Variants in DENND1A observed in about 807,000 individuals in gnomAD.
DENND1A encodes DENN domain-containing protein 1A.
In DENND1A, 51 loss-of-function variants were observed where a neutral mutation model predicts 113.7. The observed-to-expected ratio is 0.45, with a 90% confidence interval of 0.36 to 0.57. DENND1A has a LOEUF of 0.57. Ranked by LOEUF, DENND1A falls within the 20% of genes least tolerant of loss-of-function variation. The probability of loss-of-function intolerance (pLI) is 0.00; values close to 1 mark genes in which losing one functional copy is unlikely to be tolerated. For synonymous variants in DENND1A, 565 were observed against 570.8 expected (o/e 0.99, Z 0.14); for missense variants, 1,258 against 1,395.9 (o/e 0.90, Z 1.57).
At chr9:123,816,126 G>A (rs1052195544) in intron 2 of DENND1A, among the ~76,000 whole-genome samples, 2 of 150,818 alleles carry the variant, frequency 1.3e-5, no homozygotes, top group Admixed American at 6.7e-5. Flanking sequence ...TTAGCCTCCT[G>A]AGTAGCTGGG....
chr9:123,538,247 G>A (rs1282655674), intron 13 of DENND1A, among the ~76,000 whole-genome samples: 1 of 152,150 alleles, frequency 6.6e-6, no homozygotes, highest in Non-Finnish European at 1.5e-5. Flanking sequence ...AAATGTAATA[G>A]AGAAGAGGTT....
chr9:123,613,766 A>G (rs1197311879), intron 10 of DENND1A, among the ~76,000 whole-genome samples: 1 of 152,264 alleles, frequency 6.6e-6, no homozygotes, highest in Admixed American at 6.5e-5. Flanking sequence ...CATGACAACC[A>G]TGTCACAACT....
chr9:123,717,059 TAC>T (rs2141051762), intron 5 of DENND1A, among the ~76,000 whole-genome samples: 1 of 152,320 alleles, frequency 6.6e-6, no homozygotes, highest in South Asian at 2.1e-4. Flanking sequence ...AAATAGTAAA[TAC>T]ATAGTCACAC....
chr9:123,450,331 C>T (rs1299572096), intron 18 of DENND1A, among the ~76,000 whole-genome samples: 2 of 152,222 alleles, frequency 1.3e-5, no homozygotes, highest in Non-Finnish European at 2.9e-5. Context: ...TTGGTTACAA[C>T]CGGCCCTGGG....
intron 13 of DENND1A, among the ~76,000 whole-genome samples, chr9:123,523,749 C>G (rs1005898103): frequency 6.6e-6 from 1 of 152,174 alleles, no homozygotes; most frequent in Non-Finnish European, 1.5e-5. Flanking sequence ...AATATGATTC[C>G]AAGGTCAGGC....
chr9:123,427,554 C>T (rs2045835803), intron 19 of DENND1A, among the ~76,000 whole-genome samples: 1 of 152,194 alleles, frequency 6.6e-6, no homozygotes, highest in Non-Finnish European at 1.5e-5. Context: ...TAATGTCTGA[C>T]CTTGACTCTC....
rs537565145 is a variant in DENND1A at position 123,698,077 on chromosome 9, T to C, written c.303-21288A>G. On this transcript the variant is annotated intron_variant, in intron 5 of 23. Coordinates refer to ENST00000394215, the MANE Select transcript of DENND1A (RefSeq NM_001352964.2). The stretch of plus-strand genomic sequence containing the variant: ...TCTATCCTTATCATATCATACAGAA[T>C]AAGCAGAAATAAGTTGCTCATTAGA... Among the ~76,000 whole-genome samples the C allele has an allele frequency of 2.0e-5, 3 of 152,254 alleles. No individual in the cohort carries two copies. The East Asian group carries it at 5.8e-4, about 29-fold the overall frequency.
chr9:123,806,532 C>A (rs1835605405), intron 2 of DENND1A, among the ~76,000 whole-genome samples: 1 of 152,208 alleles, frequency 6.6e-6, no homozygotes, highest in Non-Finnish European at 1.5e-5. Flanking sequence ...GCTGGGATTA[C>A]AGGTGTGAGC....
intron 19 of DENND1A, 96 bp downstream of exon 19, chr9:123,440,264 C>T (rs920398896): frequency 2.2e-6 from 3 of 1,383,864 alleles, no homozygotes; most frequent in Middle Eastern, 1.9e-4. Context: ...CCAAAGAGAA[C>T]TGAAATGAAA....
At chr9:123,562,638 A>G (rs571442634) in intron 12 of DENND1A, among the ~76,000 whole-genome samples, 32 of 152,340 alleles carry the variant, frequency 2.1e-4, no homozygotes, top group African/African-American at 7.5e-4. Flanking sequence ...TTTCTATTTT[A>G]CACACTTGAT....
At chr9:123,868,240 A>G (rs1242212758) in intron 2 of DENND1A, among the ~76,000 whole-genome samples, 2 of 152,222 alleles carry the variant, frequency 1.3e-5, no homozygotes, top group Non-Finnish European at 2.9e-5. Flanking sequence ...TGAAGCACTC[A>G]GGGCATAAGC....
intron 5 of DENND1A, among the ~76,000 whole-genome samples, chr9:123,724,963 C>T (rs1232315273): frequency 2.6e-5 from 4 of 152,194 alleles, no homozygotes; most frequent in Non-Finnish European, 4.4e-5. Context: ...TTCAATCTGG[C>T]TCAAAACCAT....
rs143372466 is a variant in DENND1A at position 123,426,828 on chromosome 9, T to C, written c.1488+13532A>G. ...CTGGACCAGGGGCAGATACTTAACA[T>C]GAAATCAGTTGCCACCTCATCGCAG... On this transcript the variant is annotated intron_variant, in intron 19 of 23. Transcript: ENST00000394215. Among the ~76,000 whole-genome samples the C allele has an allele frequency of 3.9e-5, 6 of 152,292 alleles. No individual in the cohort carries two copies. In the East Asian group the frequency reaches 1.2e-3, roughly 29 times the overall value.
chr9:123,651,585 T>C (rs1358734803), intron 9 of DENND1A, among the ~76,000 whole-genome samples: 6 of 152,198 alleles, frequency 3.9e-5, no homozygotes, highest in Non-Finnish European at 8.8e-5. Flanking sequence ...CCTTAGAATA[T>C]AACTGTAACA....
At chr9:123,585,889 AACACACCCACAATGCTGGCC>A (rs1355775395) in intron 11 of DENND1A, among the ~76,000 whole-genome samples, 4 of 152,196 alleles carry the variant, frequency 2.6e-5, no homozygotes, top group African/African-American at 9.7e-5. Context: ...GATGAGAGCA[AACACACCCACAATGCTGGCC>A]ACACAGTAGG....
intron 8 of DENND1A, among the ~76,000 whole-genome samples, chr9:123,656,122 A>C (rs372721012): frequency 6.6e-6 from 1 of 152,208 alleles, no homozygotes; most frequent in African/African-American, 2.4e-5. Flanking sequence ...GACAGAGAAG[A>C]CATTTGGTCT....
chr9:123,664,144 T>C (rs1410910409), intron 8 of DENND1A, among the ~76,000 whole-genome samples: 1 of 152,212 alleles, frequency 6.6e-6, no homozygotes, highest in Non-Finnish European at 1.5e-5. Flanking sequence ...GTGATACACA[T>C]ACATACATAC....
intron 5 of DENND1A, among the ~76,000 whole-genome samples, chr9:123,686,654 AAC>A (rs2064829693): frequency 1.3e-5 from 2 of 152,234 alleles, no homozygotes; most frequent in African/African-American, 2.4e-5. Context: ...GTTTTAATCA[AAC>A]ACAGCAGAAG....
chr9:123,915,307 G>T (rs1351109750), intron 1 of DENND1A, among the ~76,000 whole-genome samples: 2 of 151,970 alleles, frequency 1.3e-5, no homozygotes, highest in African/African-American at 4.8e-5. Flanking sequence ...CCGATCTAGT[G>T]GAGTTAAATA....
Sources: gnomAD v4.1 joint callset for allele counts (sites outside exome capture counted in the v4.1 genomes callset) on GRCh38, gnomAD v4.1.1 for gene constraint, MANE v1.5 for transcripts, NCBI Gene and HGNC (gene_info 2026-07-23, HGNC 2026-07-21) for gene names.